EPHB2: variants seen among roughly 807,000 people sequenced by gnomAD.
EPHB2 encodes the protein ephrin type-B receptor 2.
EPHB2 carries 18 observed loss-of-function variants against 96.4 expected under a neutral mutation model. That is an observed-to-expected ratio of 0.19 (90% CI 0.13 to 0.28). The LOEUF is 0.28. Ranked by LOEUF, EPHB2 falls within the 10% of genes least tolerant of loss-of-function variation. The pLI, the probability that EPHB2 is intolerant of heterozygous loss-of-function variation, is 1.00. For synonymous variants in EPHB2, 506 were observed against 534.1 expected (o/e 0.95, Z 0.72); for missense variants, 989 against 1,355.4 (o/e 0.73, Z 4.25).
At chr1:22,735,177 C>T (rs1178040112) in intron 1 of EPHB2, among the ~76,000 whole-genome samples, 2 of 152,074 alleles carry the variant, frequency 1.3e-5, no homozygotes, top group Non-Finnish European at 2.9e-5. Context: ...AATCCCAGCA[C>T]ACTTTGGGAG....
intron 3 of EPHB2, among the ~76,000 whole-genome samples, chr1:22,859,961 G>A (rs756412456): frequency 1.3e-5 from 2 of 152,096 alleles, no homozygotes; most frequent in Non-Finnish European, 2.9e-5. Context: ...TGGCAACCAC[G>A]CATCGACTTT....
intron 1 of EPHB2, among the ~76,000 whole-genome samples, 171 bp from the exon 2 acceptor site, chr1:22,781,250 G>A (rs1404704720): frequency 6.7e-6 from 1 of 150,198 alleles, no homozygotes; most frequent in Non-Finnish European, 1.5e-5. Flanking sequence ...AACGTGGGAG[G>A]CGGAGCTTGC....
chr1:22,864,445 T>C (rs1638397274), intron 4 of EPHB2, among the ~76,000 whole-genome samples: 1 of 152,166 alleles, frequency 6.6e-6, no homozygotes, highest in African/African-American at 2.4e-5. Flanking sequence ...GGACACGCCA[T>C]AGCTGTCTGT....
At chr1:22,807,019 C>T (rs901558316) in intron 3 of EPHB2, among the ~76,000 whole-genome samples, 1 of 152,162 alleles carries the variant, frequency 6.6e-6, no homozygotes, top group African/African-American at 2.4e-5. Flanking sequence ...CCCAGCTAGG[C>T]GGGGGAGCAG....
chr1:22,847,670 A>C (rs12061624), intron 3 of EPHB2, among the ~76,000 whole-genome samples: 34,486 of 152,056 alleles, frequency 0.23, 4,269 homozygotes, highest in East Asian at 0.5. Flanking sequence ...GGGCACTGGA[A>C]TAGGATCTCC....
intron 9 of EPHB2, 91 bp downstream of exon 9, chr1:22,896,569 C>T (rs1639571249): frequency 3.3e-6 from 5 of 1,520,998 alleles, no homozygotes; most frequent in Non-Finnish European, 3.6e-6. Flanking sequence ...CTCCTTCTGC[C>T]ATGCTGCAGG....
intron 1 of EPHB2, among the ~76,000 whole-genome samples, chr1:22,753,352 A>G (rs1482214468): frequency 1.2e-4 from 19 of 152,202 alleles, no homozygotes; most frequent in Admixed American, 1.2e-3. Context: ...TGCTCGGCAC[A>G]CATCCTGGCC....
chr1:22,711,594 C>T (rs1643147185), intron 1 of EPHB2, among the ~76,000 whole-genome samples: 1 of 151,928 alleles, frequency 6.6e-6, no homozygotes, highest in Admixed American at 6.5e-5. Context: ...GCGCCAGCCC[C>T]CGCGTCGGTG....
intron 1 of EPHB2, among the ~76,000 whole-genome samples, chr1:22,731,404 A>G (rs141556837): frequency 6.6e-6 from 1 of 152,266 alleles, no homozygotes; most frequent in East Asian, 1.9e-4. Flanking sequence ...AGTTGGGTTC[A>G]TGTCCTGGCA....
At chr1:22,716,609 G>A (rs2148332365) in intron 1 of EPHB2, among the ~76,000 whole-genome samples, 1 of 152,300 alleles carries the variant, frequency 6.6e-6, no homozygotes, top group African/African-American at 2.4e-5. Flanking sequence ...AAAGTGCTGG[G>A]ATTACAGGCC....
intron 3 of EPHB2, among the ~76,000 whole-genome samples, chr1:22,857,587 GCAGTTTGAAAA>G (rs1042266394): frequency 3.9e-5 from 6 of 152,118 alleles, no homozygotes; most frequent in African/African-American, 1.4e-4. Flanking sequence ...TACAGGACTT[GCAGTTTGAAAA>G]CCGAGATGCT....
At chr1:22,883,995 C>T (rs1639138080) in intron 6 of EPHB2, among the ~76,000 whole-genome samples, 1 of 151,976 alleles carries the variant, frequency 6.6e-6, no homozygotes, top group Non-Finnish European at 1.5e-5. Context: ...CCTCACTGCC[C>T]ACCCTTTTCC....
intron 3 of EPHB2, among the ~76,000 whole-genome samples, chr1:22,845,116 C>T (rs887229470): frequency 3.3e-5 from 5 of 152,164 alleles, no homozygotes; most frequent in South Asian, 2.1e-4. Flanking sequence ...GAGTGGTGAG[C>T]GAGCAGTGGC....
chr1:22,774,572 G>A (rs1644421171), intron 1 of EPHB2: 1 of 985,206 alleles, frequency 1.0e-6, no homozygotes, highest in African/African-American at 1.7e-5. Context: ...GAGGTAAAGT[G>A]ACTTCTGCAA....
intron 1 of EPHB2, among the ~76,000 whole-genome samples, chr1:22,769,292 T>G (rs1354774531): frequency 6.6e-6 from 1 of 152,178 alleles, no homozygotes; most frequent in Admixed American, 6.5e-5. Flanking sequence ...ATGTGGAGCT[T>G]GGAAAGTGCT....
intron 1 of EPHB2, among the ~76,000 whole-genome samples, chr1:22,712,202 T>C (rs1643169414): frequency 6.6e-6 from 1 of 152,210 alleles, no homozygotes; most frequent in Non-Finnish European, 1.5e-5. Flanking sequence ...GTATGATTCC[T>C]ACTTCTCTTG....
Position 22,860,634 on chromosome 1 carries a change from A to T in EPHB2, c.812-2403A>T, listed in dbSNP as rs1160800733. ...GGCGGCCCCCCCGGGAATGCCCCGC[A>T]GATGGAGGAGGGATGCTGAGCTGGG... On this transcript the variant is annotated intron_variant, in intron 3 of 15. Transcript: ENST00000374630. This position sits in a 1 kb window ranked among gnomAD's most constrained non-coding sequence, Gnocchi z 4.6. Among the ~76,000 whole-genome samples, 1 of 152,168 alleles carries T rather than the reference A, an allele frequency of 6.6e-6. No homozygotes were observed. The highest frequency in any genetic ancestry group is 2.4e-5 in the African/African-American group (1 of 41,432).
chr1:22,863,276 C>T (rs745703494), intron 4 of EPHB2, 84 bp downstream of exon 4: 6 of 1,596,246 alleles, frequency 3.8e-6, no homozygotes, highest in East Asian at 2.3e-5. Flanking sequence ...GATTGGGTGC[C>T]GTCCGGTTAC....
rs1222667679 is a variant in EPHB2, at chr1:22,774,600, A to G, written c.62-6821A>G. The G allele has an allele frequency of 3.0e-6, 3 of 985,166 alleles. No individual in the cohort carries two copies. The African/African-American group carries it at 5.2e-5, about 17-fold the overall frequency. The allele number at this position is 985,166 out of a possible 1,614,324, so 61.0% of individuals were successfully genotyped here. On this transcript the variant is annotated intron_variant, in intron 1 of 15. Coordinates refer to ENST00000374630, the MANE Select transcript of EPHB2 (RefSeq NM_017449.5). ...TTCTGCAAGCAGGAGGAAATTTTGG[A>G]TGGCTGGATACGAGAGACACGGAAG...
Sources: allele counts gnomAD v4.1 joint callset (sites outside exome capture counted in the v4.1 genomes callset), GRCh38; gene constraint gnomAD v4.1.1; non-coding constraint Gnocchi (gnomAD v3.1); transcripts MANE v1.5; gene names NCBI Gene and HGNC (gene_info 2026-07-23, HGNC 2026-07-21).